The following PSMB7 variants were observed in gnomAD, a reference collection of about 807,000 sequenced individuals.
PSMB7 encodes the protein proteasome subunit beta type-7.
PSMB7 carries 5 observed loss-of-function variants against 28.1 expected under a neutral mutation model. That is an observed-to-expected ratio of 0.18 (90% CI 0.09 to 0.37). The LOEUF is 0.37. Ranked by LOEUF, PSMB7 falls within the 10% of genes least tolerant of loss-of-function variation. PSMB7 has a pLI of 1.00. For synonymous variants in PSMB7, 122 were observed against 123.7 expected, an observed-to-expected ratio of 0.99 and a Z score of 0.09; for missense variants, 275 against 346.2, an observed-to-expected ratio of 0.79 and a Z score of 1.63.
chr9:124,365,564 T>C (rs532604942), intron 6 of PSMB7, among the ~76,000 whole-genome samples: 12 of 152,176 alleles, frequency 7.9e-5, no homozygotes, highest in Non-Finnish European at 1.3e-4. Flanking sequence ...TGTACAGTCA[T>C]GTACCACGTA....
intron 5 of PSMB7, among the ~76,000 whole-genome samples, chr9:124,399,534 G>A (rs1269511483): frequency 2.6e-5 from 4 of 152,312 alleles, no homozygotes; most frequent in African/African-American, 4.8e-5. Flanking sequence ...AGAGGAGGGC[G>A]AGGGGGCTGC....
At chr9:124,387,230 A>C (rs2131164290) in intron 5 of PSMB7, among the ~76,000 whole-genome samples, 1 of 152,322 alleles carries the variant, frequency 6.6e-6, no homozygotes, top group East Asian at 1.9e-4. Context: ...TGGGCGACAG[A>C]GCAAGACTCT....
intron 5 of PSMB7, among the ~76,000 whole-genome samples, chr9:124,385,811 A>C (rs747361118): frequency 6.6e-6 from 1 of 152,228 alleles, no homozygotes; most frequent in Non-Finnish European, 1.5e-5. Flanking sequence ...ATAATGAAAA[A>C]GGAGAAGCTG....
intron 7 of PSMB7, among the ~76,000 whole-genome samples, chr9:124,355,625 G>A (rs1830396295): frequency 1.3e-5 from 2 of 152,222 alleles, no homozygotes; most frequent in African/African-American, 4.8e-5. Context: ...CCCCAACACA[G>A]CTCTGGGCCT....
intron 4 of PSMB7, among the ~76,000 whole-genome samples, chr9:124,409,575 C>A (rs1831005010): frequency 6.6e-6 from 1 of 152,098 alleles, no homozygotes; most frequent in Admixed American, 6.6e-5. Flanking sequence ...AGGAAATGGG[C>A]TGTTCAGAAA....
At chr9:124,412,606 G>T (rs184285345) in intron 3 of PSMB7, 114 bp from the exon 4 acceptor site, 2 of 1,065,168 alleles carry the variant, frequency 1.9e-6, no homozygotes, top group Non-Finnish European at 2.7e-6. Context: ...ATGTTTTTGA[G>T]TATATCTATG....
chr9:124,404,458 C>T (rs1034160687), intron 5 of PSMB7, among the ~76,000 whole-genome samples: 5 of 152,080 alleles, frequency 3.3e-5, no homozygotes, highest in Non-Finnish European at 7.4e-5. Context: ...ATCCAAAATG[C>T]CAGGGACCAG....
chr9:124,408,166 C>A (rs1392076509), intron 4 of PSMB7, among the ~76,000 whole-genome samples: 3 of 152,084 alleles, frequency 2.0e-5, no homozygotes, highest in Non-Finnish European at 4.4e-5. Context: ...CCAGCCTGGG[C>A]AACAGAAAGA....
rs146779347 is a variant in PSMB7 at position 124,386,643 on chromosome 9, C to G, written c.512-1987G>C. Among the ~76,000 whole-genome samples, 7 of 152,250 alleles carry G rather than the reference C, an allele frequency of 4.6e-5. No individual in the cohort carries two copies. The East Asian group carries it at 1.3e-3, about 29-fold the overall frequency. Reference sequence around the variant, plus strand: ...CACGAAGAACACAAGGGTAATCAACCAGAGGCCAGAAATAAACATTTAAAA... The same window carrying G: ...CACGAAGAACACAAGGGTAATCAACGAGAGGCCAGAAATAAACATTTAAAA... On this transcript the variant is annotated intron_variant, in intron 5 of 7. Coordinates refer to ENST00000259457, the MANE Select transcript of PSMB7 (RefSeq NM_002799.4).
chr9:124,402,501 T>G (rs1230894012), intron 5 of PSMB7, among the ~76,000 whole-genome samples: 1 of 152,172 alleles, frequency 6.6e-6, no homozygotes, highest in Non-Finnish European at 1.5e-5. Flanking sequence ...TCTTGAAGGA[T>G]TCAGAGGTGA....
At chr9:124,366,033 C>G (rs1405846589) in intron 6 of PSMB7, among the ~76,000 whole-genome samples, 2 of 152,144 alleles carry the variant, frequency 1.3e-5, no homozygotes, top group African/African-American at 2.4e-5. Flanking sequence ...CTGCAAAGGT[C>G]TACACCAATG....
chr9:124,373,856 C>T (rs1830585005), intron 6 of PSMB7, among the ~76,000 whole-genome samples: 1 of 152,216 alleles, frequency 6.6e-6, no homozygotes. Flanking sequence ...AAAGGTTAAA[C>T]ATAGAGTAAC....
intron 3 of PSMB7, among the ~76,000 whole-genome samples, 179 bp from the exon 4 acceptor site, chr9:124,412,671 T>A (rs920259927): frequency 6.6e-5 from 10 of 152,208 alleles, no homozygotes; most frequent in African/African-American, 2.2e-4. Context: ...AGAATATGCA[T>A]CTAGTTATAT....
intron 7 of PSMB7, among the ~76,000 whole-genome samples, chr9:124,354,486 AG>A (rs1288259834): frequency 6.6e-6 from 1 of 152,248 alleles, no homozygotes; most frequent in Admixed American, 6.5e-5. Flanking sequence ...AGGAACTGCC[AG>A]AAGGCTGCTG....
chr9:124,394,638 A>G (rs1588578562), intron 5 of PSMB7, among the ~76,000 whole-genome samples: 1 of 152,184 alleles, frequency 6.6e-6, no homozygotes, highest in East Asian at 1.9e-4. Flanking sequence ...TTTGTCTATA[A>G]AAGGTGTTTA....
intron 6 of PSMB7, among the ~76,000 whole-genome samples, chr9:124,362,893 T>C (rs963322444): frequency 1.3e-5 from 2 of 152,244 alleles, no homozygotes; most frequent in African/African-American, 4.8e-5. Flanking sequence ...CAAATGCAGC[T>C]TGGAAAATCT....
At chr9:124,412,200 T>C (rs904036870) in intron 4 of PSMB7, 152 bp downstream of exon 4, 2 of 841,492 alleles carry the variant, frequency 2.4e-6, no homozygotes, top group Non-Finnish European at 3.7e-6. Context: ...TCAAAAACCA[T>C]TTAAAATGGC....
chr9:124,391,212 AAAGGAGAATAAAG>A (rs1238761951), intron 5 of PSMB7, among the ~76,000 whole-genome samples: 1 of 152,234 alleles, frequency 6.6e-6, no homozygotes, highest in Non-Finnish European at 1.5e-5. Flanking sequence ...CCATTTTACA[AAAGGAGAATAAAG>A]CTCAAAGATA....
intron 6 of PSMB7, among the ~76,000 whole-genome samples, chr9:124,382,305 T>C: frequency 7.0e-6 from 1 of 143,236 alleles, no homozygotes. Flanking sequence ...CCTCCCAGGT[T>C]CAAGTGATTC....
Sources: allele counts gnomAD v4.1 joint callset (sites outside exome capture counted in the v4.1 genomes callset), GRCh38; gene constraint gnomAD v4.1.1; transcripts MANE v1.5; gene names NCBI Gene and HGNC (gene_info 2026-07-23, HGNC 2026-07-21).